The following KIF7 variants were observed in gnomAD, a reference collection of about 807,000 sequenced individuals.
The protein encoded by KIF7 is kinesin family member 7.
A neutral mutation model predicts 135.7 loss-of-function variants in KIF7; 104 were observed. The observed-to-expected ratio is 0.77, with a 90% CI of 0.65 to 0.90. The LOEUF is 0.90. Ranked by LOEUF, KIF7 falls within the 40% of genes least tolerant of loss-of-function variation. KIF7 has a pLI of 0.00. For synonymous variants in KIF7, 883 were observed against 809.4 expected (o/e 1.09, Z -1.54); for missense variants, 2,005 against 1,839.1 (o/e 1.09, Z -1.65).
chr15:89,631,309 AG>A (rs1481971911), intron 15 of KIF7, among the ~76,000 whole-genome samples, 185 bp downstream of exon 15: 3 of 152,238 alleles, frequency 2.0e-5, no homozygotes, highest in Non-Finnish European at 4.4e-5. Context: ...CCAGCCAATG[AG>A]GCCAAAGCAG....
downstream of KIF7, chr15:89,626,984 TGTA>T: frequency 6.2e-7 from 1 of 1,614,192 alleles, no homozygotes; most frequent in Non-Finnish European, 8.5e-7. Flanking sequence ...TTCCCTCCAC[TGTA>T]GAAGACTCTC....
In KIF7 at chr15:89,648,548, T is replaced by C. The variant is rs1596078329; in HGVS notation, c.1150A>G (p.Ile384Val). The change falls in exon 5 of 19, where the codon ATC (isoleucine) becomes GTC (valine). Residue 384 changes from isoleucine (I) to valine (V), a missense_variant. Physicochemically the swap from Ile to Val is conservative, Grantham distance 29 (BLOSUM62 3). Coordinates refer to ENST00000394412, the MANE Select transcript of KIF7 (RefSeq NM_198525.3). Reference protein sequence around the residue: ...GPPRHRSETRIIHRGRRAPGP... With the variant: ...GPPRHRSETRVIHRGRRAPGP... ...GGGGCGCGCCGGCCGCGGTGGATGA[T>C]GCGGGTCTCGGAGCGGTGCCGTGGC... The C allele has an allele frequency of 3.7e-6, 5 of 1,362,362 alleles. No individual in the cohort carries two copies. The highest frequency in any genetic ancestry group is 4.7e-6 in the Non-Finnish European group (5 of 1,055,492). The allele number at this position is 1,362,362 out of a possible 1,614,324, so 84.4% of individuals were successfully genotyped here.
Position 89,633,373 on chromosome 15 carries a change from C to T in KIF7, c.2593-107G>A, listed in dbSNP as rs1963728620. 3.5e-6 allele frequency: 5 copies of T among 1,432,838 alleles called. 1 individual carries two copies. In the South Asian group the frequency reaches 4.9e-5, roughly 14 times the overall value. The allele number at this position is 1,432,838 out of a possible 1,614,324, so 88.8% of individuals were successfully genotyped here. ...GAGTGCCTGCCCACTCCCAAGAGGG[C>T]CCTGCGAAGTGTCCCCCAGACCCAT... On this transcript the variant is annotated intron_variant, in intron 12 of 18. Coordinates refer to ENST00000394412, the MANE Select transcript of KIF7 (RefSeq NM_198525.3).
chr15:89,620,527 T>C (rs1963406487), intron 1 of KIF7, among the ~76,000 whole-genome samples: 1 of 152,024 alleles, frequency 6.6e-6, no homozygotes, highest in Non-Finnish European at 1.5e-5. Flanking sequence ...TTTTTATATT[T>C]ACAAATTAAA....
At chr15:89,624,688 GAC>G (rs769727003), downstream of KIF7, 2 of 1,614,092 alleles carry the variant, frequency 1.2e-6, no homozygotes, top group South Asian at 2.2e-5. Flanking sequence ...CATTACAAGT[GAC>G]ACAGAGCATG....
intron 2 of KIF7, 63 bp from the exon 3 acceptor site, chr15:89,650,004 C>T (rs1273106540): frequency 6.0e-6 from 9 of 1,501,750 alleles, no homozygotes; most frequent in African/African-American, 1.4e-5. Context: ...CCCCCAGGCC[C>T]GGAAGCTCAT....
At position 89,633,899 on chromosome 15, in the gene KIF7, T is replaced by G; in HGVS notation, c.2395-16A>C. ...CCTTCAGCACCTGGGACCCACACAG[T>G]CTTCACTGGGCCATGCACGGGGCTA... On this transcript the variant is annotated splice_polypyrimidine_tract_variant and intron_variant, in intron 11 of 18. Coordinates refer to ENST00000394412, the MANE Select transcript of KIF7 (RefSeq NM_198525.3). 1.2e-6 allele frequency: 2 copies of G among 1,613,438 alleles called. No homozygotes were observed. Among genetic ancestry groups the G allele is most frequent in the Non-Finnish European group, 1.7e-6 (2 of 1,179,926 alleles).
chr15:89,645,988 C>A lies in KIF7; in HGVS notation c.1827G>T (p.Leu609=). Residue 609 remains leucine, a synonymous_variant, in exon 8 of 19, where the codon CTG becomes CTT. Coordinates refer to ENST00000394412, the MANE Select transcript of KIF7 (RefSeq NM_198525.3). ...TNGREAGAEL[L]TEVNRLGSGS... ...CACTTCCCAGCCTGTTCACCTCAGT[C>A]AGCAACTCAGCTCCAGCCTCCCTGC... 1 of 1,614,014 alleles carries A rather than the reference C, an allele frequency of 6.2e-7. No homozygotes were observed. The highest frequency in any genetic ancestry group is 8.5e-7 in the Non-Finnish European group (1 of 1,180,012).
intron 1 of KIF7, chr15:89,621,683 G>C: frequency 1.4e-6 from 1 of 735,406 alleles, no homozygotes; most frequent in Non-Finnish European, 2.1e-6. Flanking sequence ...AGGTGACTGG[G>C]TGGAGCCACA....
Position 89,633,245 on chromosome 15 carries a change from G to A in KIF7, c.2614C>T (p.Gln872Ter). The A allele has an allele frequency of 1.3e-6, 2 of 1,579,534 alleles. No homozygotes were observed. The highest frequency in any genetic ancestry group is 1.7e-6 in the Non-Finnish European group (2 of 1,165,422). ...TTAATCTTCAGGATCTTCTGCTGTT[G>A]CTCATGCTTCAGCTCCAGCTCCTGG... ...RVKELELKHE[Q>*]QQKILKIKTE... is the part of the protein sequence containing the mutation. The change falls in exon 13 of 19, where the codon CAA becomes TAA. Residue 872 changes from glutamine (Q) to a stop codon, truncating the protein, a stop_gained. Coordinates refer to ENST00000394412, the MANE Select transcript of KIF7 (RefSeq NM_198525.3). LOFTEE classifies it high-confidence loss of function.
At chr15:89,652,174 G>A (rs564997161) in intron 2 of KIF7, among the ~76,000 whole-genome samples, 1 of 149,250 alleles carries the variant, frequency 6.7e-6, no homozygotes, top group South Asian at 2.1e-4. Flanking sequence ...TCCAGAGCCT[G>A]GCTGAAGCAC....
rs1963709212 is a variant in KIF7 at position 89,632,820 on chromosome 15, C to T, written c.2895G>A (p.Gln965=). 2 of 1,603,980 alleles carry T rather than the reference C, an allele frequency of 1.2e-6. No homozygotes were observed. Among genetic ancestry groups the T allele is most frequent in the Non-Finnish European group, 1.7e-6 (2 of 1,179,234 alleles). ...AGGATCTCTCCTGGCAGGGCCTCAC[C>T]TGGCTGGATCTCAGGCGCTTGCTCT... ...GLESKRLRSS[Q]ALNEDIVRVS... is the part of the protein sequence containing the mutation. The change falls in exon 14 of 19, where the codon CAG becomes CAA. Residue 965 remains glutamine (Q), a splice_region_variant and synonymous_variant. Coordinates refer to ENST00000394412, the MANE Select transcript of KIF7 (RefSeq NM_198525.3).
downstream of KIF7, chr15:89,627,213 T>G (rs1488221002): frequency 2.2e-5 from 25 of 1,158,232 alleles, no homozygotes; most frequent in Non-Finnish European, 2.8e-5. Context: ...TAGAATGCCT[T>G]AGGGTTTTCT....
intron 16 of KIF7, chr15:89,629,871 A>G (rs1351070136): frequency 4.0e-5 from 22 of 544,206 alleles, no homozygotes; most frequent in Non-Finnish European, 6.9e-5. Flanking sequence ...CAACCTCAGC[A>G]CTATGGACAT....
chr15:89,623,579 G>C, downstream of KIF7: 1 of 1,546,418 alleles, frequency 6.5e-7, no homozygotes. Context: ...CAGAGATCAT[G>C]AGTTATAATA....
At chr15:89,624,225 T>C (rs1380472821), downstream of KIF7, 1 of 1,614,194 alleles carries the variant, frequency 6.2e-7, no homozygotes, top group Admixed American at 1.7e-5. Flanking sequence ...CTTCCCCACC[T>C]GTTACGCCAA....
Position 89,630,281 on chromosome 15 carries a change from GCCC to G in KIF7, c.3318+3_3318+5del. The G allele has an allele frequency of 6.2e-7, 1 of 1,613,872 alleles. No homozygotes were observed. Among genetic ancestry groups the G allele is most frequent in the Non-Finnish European group, 8.5e-7 (1 of 1,179,886 alleles). ...GGAGCTGGGGGGCCATGGGCTGCTG[GCCC>G]ACCTTGTCAAAATACTTGCAGAGGA... On this transcript the variant is annotated splice_donor_5th_base_variant and intron_variant, in intron 16 of 18. Transcript: ENST00000394412.
Position 89,649,237 on chromosome 15 carries a change from G to A in KIF7, c.660C>T (p.Val220=), listed in dbSNP as rs886038762. 1 of 1,543,230 alleles carries A rather than the reference G, an allele frequency of 6.5e-7. No homozygotes were observed. The highest frequency in any genetic ancestry group is 8.8e-7 in the Non-Finnish European group (1 of 1,142,758). ...CCCGCTGCTCCAGGGTCACGGTGAA[G>A]ACCGTGTGTGAGCGGCTAGACAGGT... ...LNHLSSRSHT[V]FTVTLEQRGR... The change falls in exon 4 of 19, where the codon GTC becomes GTT. Residue 220 remains valine (V), a synonymous_variant. Transcript: ENST00000394412.
chr15:89,657,888 G>A (rs1964223449), upstream of KIF7, among the ~76,000 whole-genome samples: 1 of 152,216 alleles, frequency 6.6e-6, no homozygotes, highest in Admixed American at 6.5e-5. Context: ...TTGCAGAAGG[G>A]CAGTATGGGT....
Sources: allele counts gnomAD v4.1 joint callset (sites outside exome capture counted in the v4.1 genomes callset), GRCh38; gene constraint gnomAD v4.1.1; transcripts MANE v1.5; gene names NCBI Gene and HGNC (gene_info 2026-07-23, HGNC 2026-07-21).